Variants in GPR137C observed in about 807,000 individuals in gnomAD.
The protein encoded by GPR137C is G protein-coupled receptor 137C.
In GPR137C, 27 loss-of-function variants were observed where a neutral mutation model predicts 43.4. That is an observed-to-expected ratio of 0.62 (90% CI 0.46 to 0.86). The LOEUF (loss-of-function observed/expected upper bound fraction) is 0.86. Among genes scored for constraint, GPR137C ranks in the 40% least tolerant of loss-of-function variants. GPR137C has a pLI of 0.00. For missense variants in GPR137C, 522 were observed against 534.6 expected, an observed-to-expected ratio of 0.98 and a Z score of 0.23; for synonymous variants, 285 against 226.9, an observed-to-expected ratio of 1.26 and a Z score of -2.30.
chr14:52,580,162 G>C (rs966797577), intron 1 of GPR137C, among the ~76,000 whole-genome samples: 8 of 152,044 alleles, frequency 5.3e-5, no homozygotes, highest in African/African-American at 1.9e-4. Context: ...TCAGATTTAT[G>C]GGTTTATGCC....
rs370698992 is a variant in GPR137C, at chr14:52,557,628, C to T, written c.444+4037C>T. On this transcript the variant is annotated intron_variant, in intron 1 of 6. Coordinates refer to ENST00000321662, the MANE Select transcript of GPR137C (RefSeq NM_001099652.2). The stretch of plus-strand genomic sequence containing the variant: ...TTTCTCCTGAAATCATCTGTGAAGC[C>T]GAAGTTTCAGATACATACCTGTAAC... Among the ~76,000 whole-genome samples, 90 of 152,156 alleles carry T rather than the reference C, an allele frequency of 5.9e-4. 2 individuals carry two copies. The South Asian group carries it at 0.018, about 30-fold the overall frequency.
chr14:52,630,988 C>A (rs2039287592), intron 3 of GPR137C, among the ~76,000 whole-genome samples: 1 of 152,150 alleles, frequency 6.6e-6, no homozygotes, highest in South Asian at 2.1e-4. Flanking sequence ...TTGTATACCA[C>A]AAGCAGTATT....
At position 52,625,254 on chromosome 14, in the gene GPR137C, C is replaced by T. The variant is rs545962841; in HGVS notation, c.718-6906C>T. ...ATCCCAGGGCTTCGGGAAGCCGAGG[C>T]GGGTGGATCACAAGGTCAGGAGTTC... is the stretch of plus-strand genomic sequence containing the variant. On this transcript the variant is annotated intron_variant, in intron 3 of 6. Transcript: ENST00000321662. 6.6e-5 allele frequency among the ~76,000 whole-genome samples: 10 copies of T among 152,032 alleles called. No homozygotes were observed. The East Asian group carries it at 7.8e-4, about 12-fold the overall frequency.
At chr14:52,564,090 A>G (rs973707412) in intron 1 of GPR137C, among the ~76,000 whole-genome samples, 8 of 152,096 alleles carry the variant, frequency 5.3e-5, no homozygotes, top group African/African-American at 1.9e-4. Flanking sequence ...CCTGGCCAAT[A>G]TGGTGAAACC....
At chr14:52,592,227 G>C (rs1185006018) in intron 1 of GPR137C, among the ~76,000 whole-genome samples, 3 of 152,156 alleles carry the variant, frequency 2.0e-5, no homozygotes, top group Admixed American at 1.3e-4. Flanking sequence ...GGTTACTGTA[G>C]CCTTATAGTA....
intron 3 of GPR137C, among the ~76,000 whole-genome samples, chr14:52,623,903 A>G (rs973737485): frequency 1.3e-5 from 2 of 151,810 alleles, no homozygotes; most frequent in Non-Finnish European, 2.9e-5. Flanking sequence ...GTTCATTATC[A>G]TTAAGTACAT....
At chr14:52,622,666 T>G (rs1193766075) in intron 3 of GPR137C, among the ~76,000 whole-genome samples, 1 of 151,958 alleles carries the variant, frequency 6.6e-6, no homozygotes, top group Non-Finnish European at 1.5e-5. Context: ...AGGTAAAAAA[T>G]GGTGTTCTAT....
intron 3 of GPR137C, among the ~76,000 whole-genome samples, chr14:52,630,822 T>C (rs935890602): frequency 6.6e-6 from 1 of 152,198 alleles, no homozygotes; most frequent in African/African-American, 2.4e-5. Context: ...ATTGCCTTAA[T>C]TGTAACATAA....
chr14:52,602,324 C>CCT (rs139916630), intron 3 of GPR137C, among the ~76,000 whole-genome samples: 12 of 147,430 alleles, frequency 8.1e-5, no homozygotes, highest in Non-Finnish European at 1.4e-4. Context: ...TGTTTCTGTC[C>CCT]CTCTCTCTCT....
intron 1 of GPR137C, among the ~76,000 whole-genome samples, chr14:52,578,518 A>T (rs2038597395): frequency 6.6e-6 from 1 of 150,544 alleles, no homozygotes. Context: ...CTCCATATCT[A>T]CTCTCTCTAA....
At chr14:52,616,763 G>A (rs547887346) in intron 3 of GPR137C, among the ~76,000 whole-genome samples, 113 of 152,226 alleles carry the variant, frequency 7.4e-4, no homozygotes, top group African/African-American at 2.6e-3. Context: ...CCAGAAAGAT[G>A]ACCTGAAGGA....
chr14:52,596,803 C>G, intron 1 of GPR137C: 1 of 402,410 alleles, frequency 2.5e-6, no homozygotes, highest in Non-Finnish European at 5.1e-6. Context: ...CCCTGCCCTG[C>G]TTCAGCTCAC....
intron 3 of GPR137C, among the ~76,000 whole-genome samples, chr14:52,606,686 G>C (rs1474563973): frequency 6.6e-6 from 1 of 152,018 alleles, no homozygotes; most frequent in Non-Finnish European, 1.5e-5. Context: ...AATTATTTGA[G>C]TCTTCTCTTT....
intron 3 of GPR137C, among the ~76,000 whole-genome samples, chr14:52,603,202 GTCT>G (rs2038946652): frequency 6.6e-6 from 1 of 152,106 alleles, no homozygotes; most frequent in Non-Finnish European, 1.5e-5. Flanking sequence ...TAGTATATTT[GTCT>G]TTCTGTGCCT....
In GPR137C at chr14:52,565,159, G is replaced by A. The variant is rs1044251622; in HGVS notation, c.444+11568G>A. Among the ~76,000 whole-genome samples the A allele has an allele frequency of 4.6e-5, 7 of 152,278 alleles. No individual in the cohort carries two copies. The East Asian group carries it at 1.3e-3, about 29-fold the overall frequency. ...ATCACAAATTTGAATTTCTTAAAATGAGAAATCTACTTTTTAAATAATGAC... is the reference window on the plus strand; with the variant it reads ...ATCACAAATTTGAATTTCTTAAAATAAGAAATCTACTTTTTAAATAATGAC... On this transcript the variant is annotated intron_variant, in intron 1 of 6. Coordinates refer to ENST00000321662, the MANE Select transcript of GPR137C (RefSeq NM_001099652.2).
intron 3 of GPR137C, among the ~76,000 whole-genome samples, chr14:52,625,635 A>G (rs1430359563): frequency 3.7e-4 from 45 of 121,838 alleles, no homozygotes; most frequent in African/African-American, 1.3e-3. Flanking sequence ...GCTCACTGCA[A>G]TCTCCGCCTC....
chr14:52,605,010 C>A (rs926378135), intron 3 of GPR137C, among the ~76,000 whole-genome samples: 14 of 152,108 alleles, frequency 9.2e-5, no homozygotes, highest in African/African-American at 2.9e-4. Context: ...CAACTTCATT[C>A]TTTTTACTTA....
chr14:52,558,548 GCTGTAAGAAGCAGATGCAAAGCAT>G (rs2038230426), intron 1 of GPR137C, among the ~76,000 whole-genome samples: 1 of 152,164 alleles, frequency 6.6e-6, no homozygotes, highest in South Asian at 2.1e-4. Flanking sequence ...ACCTCAAGGA[GCTGTAAGAAGCAGATGCAAAGCAT>G]CTGTGGAAGA....
intron 1 of GPR137C, among the ~76,000 whole-genome samples, chr14:52,582,071 A>G (rs2038655182): frequency 6.6e-6 from 1 of 152,168 alleles, no homozygotes. Flanking sequence ...ATAAGAAAAC[A>G]AATTTATTTC....
Sources: gnomAD v4.1 joint callset for allele counts (sites outside exome capture counted in the v4.1 genomes callset) on GRCh38, gnomAD v4.1.1 for gene constraint, MANE v1.5 for transcripts, NCBI Gene and HGNC (gene_info 2026-07-23, HGNC 2026-07-21) for gene names.